ROBO2: variants seen among roughly 807,000 people sequenced by gnomAD.
The protein encoded by ROBO2 is roundabout guidance receptor 2.
ROBO2 carries 53 observed loss-of-function variants against 160.8 expected under a neutral mutation model. The ratio of observed to expected loss-of-function variants is 0.33; its 90% confidence interval spans 0.26 to 0.41. ROBO2 has a LOEUF of 0.41. ROBO2 is among the 10% of genes least tolerant of loss of function. The pLI, the probability that ROBO2 is intolerant of heterozygous loss-of-function variation, is 1.00. For missense variants in ROBO2, 1,577 were observed against 1,722.4 expected, an observed-to-expected ratio of 0.92 and a Z score of 1.49; for synonymous variants, 664 against 611.7, an observed-to-expected ratio of 1.09 and a Z score of -1.26.
intron 1 of ROBO2, among the ~76,000 whole-genome samples, chr3:77,045,932 A>G (rs1270759960): frequency 6.6e-6 from 1 of 152,206 alleles, no homozygotes; most frequent in Non-Finnish European, 1.5e-5. Context: ...CATCCGTGTC[A>G]TAGCATATGC....
intron 2 of ROBO2, among the ~76,000 whole-genome samples, chr3:76,621,325 C>T (rs554077406): frequency 6.6e-6 from 1 of 152,254 alleles, no homozygotes; most frequent in South Asian, 2.1e-4. Flanking sequence ...TTCTTACACG[C>T]TTTGGTCTGT....
rs935298627 is a variant in ROBO2 at position 76,399,974 on chromosome 3, G to A, written c.109+462372G>A. On this transcript the variant is annotated intron_variant, in intron 2 of 26. Transcript: ENST00000487694. ...ATTGGCTTTACTCCATAAATTCAGG[G>A]TGTGAGAAATAGATGAATGGATATT... is the stretch of plus-strand genomic sequence containing the variant. Among the ~76,000 whole-genome samples the A allele has an allele frequency of 2.0e-5, 3 of 151,628 alleles. No individual in the cohort carries two copies. In the Admixed American group the frequency reaches 2.0e-4, roughly 10 times the overall value.
At chr3:77,094,945 T>A (rs999377440) in intron 1 of ROBO2, among the ~76,000 whole-genome samples, 2 of 152,158 alleles carry the variant, frequency 1.3e-5, no homozygotes, top group Non-Finnish European at 2.9e-5. Context: ...AATCCATTAT[T>A]GGGTATATGA....
intron 2 of ROBO2, among the ~76,000 whole-genome samples, chr3:76,959,552 T>C (rs2079504422): frequency 6.6e-6 from 1 of 152,192 alleles, no homozygotes; most frequent in Non-Finnish European, 1.5e-5. Context: ...AAGACATTTC[T>C]CAAAGGTAGT....
At chr3:75,942,353 A>C (rs933579365) in intron 2 of ROBO2, among the ~76,000 whole-genome samples, 3 of 152,146 alleles carry the variant, frequency 2.0e-5, no homozygotes, top group African/African-American at 7.2e-5. Flanking sequence ...TTGAATGTGT[A>C]TTCCAAGAGA....
intron 2 of ROBO2, among the ~76,000 whole-genome samples, chr3:75,971,925 C>G (rs1420735164): frequency 6.6e-6 from 1 of 151,390 alleles, no homozygotes; most frequent in East Asian, 2.0e-4. Flanking sequence ...ATATAGCATC[C>G]TGAAATAAGT....
chr3:76,351,108 CT>C (rs1451515419), intron 2 of ROBO2, among the ~76,000 whole-genome samples: 9 of 151,826 alleles, frequency 5.9e-5, no homozygotes, highest in African/African-American at 2.2e-4. Flanking sequence ...CCTCAACCCT[CT>C]CAATAAAATA....
chr3:77,373,241 CAT>C (rs1476821272), intron 2 of ROBO2, among the ~76,000 whole-genome samples: 6 of 148,360 alleles, frequency 4.0e-5, no homozygotes, highest in Non-Finnish European at 6.0e-5. Flanking sequence ...TAAAGCAAGA[CAT>C]GTGGAAGTAT....
At chr3:77,505,748 C>T (rs2088413348) in intron 5 of ROBO2, among the ~76,000 whole-genome samples, 1 of 152,042 alleles carries the variant, frequency 6.6e-6, no homozygotes, top group African/African-American at 2.4e-5. Context: ...TCTCAATTTT[C>T]TTATGAAACA....
intron 2 of ROBO2, among the ~76,000 whole-genome samples, chr3:77,447,143 G>A (rs2080612551): frequency 6.6e-6 from 1 of 152,044 alleles, no homozygotes; most frequent in African/African-American, 2.4e-5. Flanking sequence ...CAAGTATATT[G>A]AGATTTTAAT....
intron 2 of ROBO2, among the ~76,000 whole-genome samples, chr3:77,373,644 G>A (rs1351524822): frequency 6.6e-6 from 1 of 152,050 alleles, no homozygotes; most frequent in Non-Finnish European, 1.5e-5. Context: ...GCTGCGTCCT[G>A]GTGAAAAGGG....
chr3:77,558,202 C>G (rs972379936), intron 9 of ROBO2, 53 bp downstream of exon 10: 5 of 1,469,686 alleles, frequency 3.4e-6, no homozygotes, highest in Non-Finnish European at 3.8e-6. Flanking sequence ...AAGTACTGCT[C>G]TATGGAAAAA....
chr3:76,603,013 C>T (rs1215211973), intron 2 of ROBO2, among the ~76,000 whole-genome samples: 2 of 151,978 alleles, frequency 1.3e-5, no homozygotes, highest in Admixed American at 6.6e-5. Context: ...CTCCACAAAT[C>T]GTCTGAAAAT....
At chr3:77,204,925 G>T (rs2083271017) in intron 2 of ROBO2, among the ~76,000 whole-genome samples, 1 of 152,210 alleles carries the variant, frequency 6.6e-6, no homozygotes, top group Non-Finnish European at 1.5e-5. Context: ...TGTGACAGGG[G>T]TGTAGCTCCC....
At chr3:76,327,876 G>A (rs1559770566) in intron 2 of ROBO2, among the ~76,000 whole-genome samples, 1 of 147,798 alleles carries the variant, frequency 6.8e-6, no homozygotes, top group African/African-American at 2.5e-5. Context: ...AGAAGAATGT[G>A]AAAAAAAAAA....
chr3:76,159,949 ACT>A (rs2072556450), intron 2 of ROBO2, among the ~76,000 whole-genome samples: 1 of 152,098 alleles, frequency 6.6e-6, no homozygotes, highest in South Asian at 2.1e-4. Context: ...TTCCATCAAA[ACT>A]CTTACAAAAT....
intron 2 of ROBO2, among the ~76,000 whole-genome samples, chr3:76,427,277 C>T (rs1193089928): frequency 1.3e-5 from 2 of 151,648 alleles, no homozygotes; most frequent in Non-Finnish European, 2.9e-5. Context: ...AAAAAAACCA[C>T]TCGCTTGCAA....
chr3:76,993,861 A>AT (rs1291269431), intron 2 of ROBO2, among the ~76,000 whole-genome samples: 1 of 151,128 alleles, frequency 6.6e-6, no homozygotes, highest in African/African-American at 2.4e-5. Flanking sequence ...AGTACTATAT[A>AT]TTTTTTTAAC....
chr3:77,066,629 A>G (rs901837504), intron 1 of ROBO2, among the ~76,000 whole-genome samples: 9 of 152,166 alleles, frequency 5.9e-5, no homozygotes, highest in African/African-American at 2.2e-4. Flanking sequence ...GTATAGAGGT[A>G]TATATGTTAA....
Sources: allele counts gnomAD v4.1 joint callset (sites outside exome capture counted in the v4.1 genomes callset), GRCh38; gene constraint gnomAD v4.1.1; transcripts MANE v1.5; gene names NCBI Gene and HGNC (gene_info 2026-07-23, HGNC 2026-07-21).